CHCHD3: variants seen among roughly 807,000 people sequenced by gnomAD.
The protein encoded by CHCHD3 is MICOS complex subunit MIC19.
A neutral mutation model predicts 38.2 loss-of-function variants in CHCHD3; 20 were observed. The observed-to-expected ratio is 0.52, with a 90% CI of 0.37 to 0.76. The LOEUF is 0.76. CHCHD3 is among the 30% of genes least tolerant of loss of function. The probability of loss-of-function intolerance (pLI) is 0.00; values close to 1 mark genes in which losing one functional copy is unlikely to be tolerated. For missense variants in CHCHD3, 245 were observed against 279.2 expected (o/e 0.88, Z 0.87); for synonymous variants, 82 against 100.0 (o/e 0.82, Z 1.07).
At chr7:132,909,244 C>T (rs1330519500) in intron 4 of CHCHD3, among the ~76,000 whole-genome samples, 4 of 152,052 alleles carry the variant, frequency 2.6e-5, no homozygotes, top group Non-Finnish European at 5.9e-5. Flanking sequence ...ACGCTGTCCC[C>T]GCACTTTGGG....
chr7:133,064,611 G>A (rs1321524027), intron 2 of CHCHD3, among the ~76,000 whole-genome samples: 1 of 152,164 alleles, frequency 6.6e-6, no homozygotes, highest in African/African-American at 2.4e-5. Flanking sequence ...AAAATTGGCT[G>A]TTTAGTTTAG....
chr7:133,061,242 A>G (rs1255515881), intron 2 of CHCHD3, among the ~76,000 whole-genome samples: 1 of 152,100 alleles, frequency 6.6e-6, no homozygotes, highest in Non-Finnish European at 1.5e-5. Flanking sequence ...AGACCGGGGA[A>G]TGCAAGACTA....
chr7:132,956,463 G>A (rs1355825387), intron 4 of CHCHD3, among the ~76,000 whole-genome samples: 5 of 152,144 alleles, frequency 3.3e-5, no homozygotes, highest in African/African-American at 7.2e-5. Context: ...AAAGAAGAGC[G>A]AGAAGAAAAA....
At chr7:132,818,398 G>T (rs1206997879) in intron 6 of CHCHD3, among the ~76,000 whole-genome samples, 1 of 152,162 alleles carries the variant, frequency 6.6e-6, no homozygotes, top group Non-Finnish European at 1.5e-5. Context: ...GCCAGAAAAA[G>T]GAATGGTTCT....
chr7:132,792,536 A>C (rs145159204), intron 7 of CHCHD3, among the ~76,000 whole-genome samples: 104 of 152,276 alleles, frequency 6.8e-4, no homozygotes, highest in Middle Eastern at 3.4e-3. Context: ...TGGACAGCAA[A>C]ATTTAAGAGG....
intron 2 of CHCHD3, among the ~76,000 whole-genome samples, chr7:133,031,314 A>C (rs967798461): frequency 3.3e-5 from 5 of 152,110 alleles, no homozygotes; most frequent in African/African-American, 1.2e-4. Context: ...TACATTTTAG[A>C]TAGATCCTTG....
intron 3 of CHCHD3, among the ~76,000 whole-genome samples, chr7:133,014,306 C>G (rs1278370433): frequency 1.4e-5 from 2 of 145,550 alleles, no homozygotes; most frequent in Admixed American, 1.4e-4. Context: ...CTAAATCACA[C>G]TAAAATTGTT....
At chr7:132,799,370 T>C (rs1166381346) in intron 6 of CHCHD3, among the ~76,000 whole-genome samples, 1 of 152,214 alleles carries the variant, frequency 6.6e-6, no homozygotes, top group Non-Finnish European at 1.5e-5. Flanking sequence ...ATTTCCAATA[T>C]GCATTATGGT....
At chr7:132,879,070 A>G (rs980678519) in intron 5 of CHCHD3, among the ~76,000 whole-genome samples, 3 of 152,216 alleles carry the variant, frequency 2.0e-5, no homozygotes, top group South Asian at 4.1e-4. Flanking sequence ...TATAGTAAGC[A>G]CATGATGAAT....
At chr7:132,915,247 T>G (rs1211742688) in intron 4 of CHCHD3, among the ~76,000 whole-genome samples, 1 of 151,814 alleles carries the variant, frequency 6.6e-6, no homozygotes, top group Non-Finnish European at 1.5e-5. Flanking sequence ...CGAGCTATGG[T>G]AAGGAGGAAC....
At chr7:132,945,504 TA>T (rs1810874311) in intron 4 of CHCHD3, among the ~76,000 whole-genome samples, 1 of 151,916 alleles carries the variant, frequency 6.6e-6, no homozygotes, top group Non-Finnish European at 1.5e-5. Flanking sequence ...TAAAATGGTT[TA>T]GATGTGATTA....
At chr7:132,803,264 T>C (rs1806834391) in intron 6 of CHCHD3, among the ~76,000 whole-genome samples, 1 of 152,176 alleles carries the variant, frequency 6.6e-6, no homozygotes, top group Non-Finnish European at 1.5e-5. Flanking sequence ...AAAGGATATA[T>C]CAATGTGTGA....
chr7:132,881,323 T>C (rs1809050588), intron 5 of CHCHD3, among the ~76,000 whole-genome samples: 1 of 152,182 alleles, frequency 6.6e-6, no homozygotes, highest in African/African-American at 2.4e-5. Flanking sequence ...TTTATTGAAA[T>C]AGATCCAAGA....
intron 2 of CHCHD3, among the ~76,000 whole-genome samples, chr7:133,038,403 T>C (rs1448376804): frequency 6.6e-6 from 1 of 152,228 alleles, no homozygotes; most frequent in Non-Finnish European, 1.5e-5. Flanking sequence ...AGTTCCTCTG[T>C]AATTGAACAC....
chr7:132,821,746 T>TA, intron 6 of CHCHD3, among the ~76,000 whole-genome samples: 1 of 124,834 alleles, frequency 8.0e-6, no homozygotes, highest in Admixed American at 9.4e-5. Flanking sequence ...AGCACTCAAA[T>TA]CTTTTTTTTT....
chr7:132,818,594 T>C (rs1363828484), intron 6 of CHCHD3, among the ~76,000 whole-genome samples: 1 of 152,202 alleles, frequency 6.6e-6, no homozygotes, highest in African/African-American at 2.4e-5. Context: ...GTGTTCTTGA[T>C]AGACAGTTAC....
chr7:132,871,777 C>T (rs1166726612), intron 5 of CHCHD3, among the ~76,000 whole-genome samples: 1 of 152,124 alleles, frequency 6.6e-6, no homozygotes, highest in Non-Finnish European at 1.5e-5. Context: ...CAGGTACCTA[C>T]CATGCATAAT....
intron 1 of CHCHD3, 45 bp downstream of exon 1, chr7:133,081,812 G>T (rs1333844828): frequency 7.1e-6 from 11 of 1,538,664 alleles, no homozygotes; most frequent in Middle Eastern, 1.7e-4. Flanking sequence ...GGGCCTTGGG[G>T]TCCGAGTCCA....
chr7:133,077,546 T>A (rs987527589), intron 1 of CHCHD3, among the ~76,000 whole-genome samples: 1 of 152,256 alleles, frequency 6.6e-6, no homozygotes, highest in Non-Finnish European at 1.5e-5. Flanking sequence ...TCTTTGAAAA[T>A]GATACTCATT....
Sources: allele counts gnomAD v4.1 joint callset (sites outside exome capture counted in the v4.1 genomes callset), GRCh38; gene constraint gnomAD v4.1.1; transcripts MANE v1.5; gene names NCBI Gene and HGNC (gene_info 2026-07-23, HGNC 2026-07-21).